NRG3: variants seen among roughly 807,000 people sequenced by gnomAD.
NRG3 encodes pro-neuregulin-3, membrane-bound isoform.
Under a neutral mutation model 66.9 loss-of-function variants are expected in NRG3, and 31 were observed. That is an observed-to-expected ratio of 0.46 (90% CI 0.35 to 0.63). NRG3 has a LOEUF of 0.63. NRG3 is among the 20% of genes least tolerant of loss of function. The probability of loss-of-function intolerance (pLI) is 0.00; values close to 1 mark genes in which losing one functional copy is unlikely to be tolerated. For synonymous variants in NRG3, 393 were observed against 359.4 expected, an observed-to-expected ratio of 1.09 and a Z score of -1.06; for missense variants, 910 against 878.9, an observed-to-expected ratio of 1.04 and a Z score of -0.45.
At chr10:82,769,699 T>A (rs1176648641) in intron 3 of NRG3, among the ~76,000 whole-genome samples, 1 of 152,080 alleles carries the variant, frequency 6.6e-6, no homozygotes. Context: ...GTCTAAAAAT[T>A]ACTAGCACAA....
At chr10:82,259,387 A>T (rs1385692477) in intron 1 of NRG3, among the ~76,000 whole-genome samples, 2 of 152,048 alleles carry the variant, frequency 1.3e-5, no homozygotes, top group African/African-American at 4.8e-5. Flanking sequence ...TGGTTTACTC[A>T]ATCTAGGAAG....
chr10:82,586,543 G>A (rs536187031), intron 2 of NRG3, among the ~76,000 whole-genome samples: 117 of 152,228 alleles, frequency 7.7e-4, no homozygotes, highest in Non-Finnish European at 1.4e-3. Context: ...CTTCTCTGTG[G>A]TTTAATTTCC....
chr10:81,915,774 C>A (rs1432027894), intron 1 of NRG3, among the ~76,000 whole-genome samples: 1 of 151,996 alleles, frequency 6.6e-6, no homozygotes, highest in Non-Finnish European at 1.5e-5. Flanking sequence ...CTTCTACCTG[C>A]TGAGGAGACA....
chr10:82,365,762 A>T (rs2084480642), intron 2 of NRG3, among the ~76,000 whole-genome samples: 1 of 152,172 alleles, frequency 6.6e-6, no homozygotes, highest in Admixed American at 6.5e-5. Flanking sequence ...TTAGCCAAAG[A>T]TTACTTTATT....
At chr10:81,913,161 TC>T (rs1354559686) in intron 1 of NRG3, among the ~76,000 whole-genome samples, 1 of 139,912 alleles carries the variant, frequency 7.1e-6, no homozygotes, top group Non-Finnish European at 1.5e-5. Context: ...TTGAATTTAT[TC>T]AACACTCATT....
At chr10:82,827,971 G>T (rs2135639738) in intron 3 of NRG3, among the ~76,000 whole-genome samples, 1 of 152,180 alleles carries the variant, frequency 6.6e-6, no homozygotes, top group Non-Finnish European at 1.5e-5. Flanking sequence ...GTTTTTAAAA[G>T]AGTGTTTTAG....
intron 2 of NRG3, among the ~76,000 whole-genome samples, chr10:82,693,160 C>T (rs1461578557): frequency 6.6e-6 from 1 of 152,180 alleles, no homozygotes; most frequent in Non-Finnish European, 1.5e-5. Context: ...TTTCCCCAAT[C>T]CTATCCCTTA....
At chr10:81,923,994 A>G (rs1465236804) in intron 1 of NRG3, among the ~76,000 whole-genome samples, 1 of 152,110 alleles carries the variant, frequency 6.6e-6, no homozygotes, top group African/African-American at 2.4e-5. Flanking sequence ...GTGCTCGTTA[A>G]ATGTTTGTAG....
chr10:82,106,222 A>G (rs997019271), intron 1 of NRG3, among the ~76,000 whole-genome samples: 3 of 152,200 alleles, frequency 2.0e-5, no homozygotes, highest in African/African-American at 7.2e-5. Flanking sequence ...TCAGAGACTC[A>G]GTACTGAACA....
intron 3 of NRG3, among the ~76,000 whole-genome samples, chr10:82,791,388 A>T (rs966557245): frequency 6.6e-6 from 1 of 151,794 alleles, no homozygotes; most frequent in Admixed American, 6.6e-5. Context: ...AGCCACTGAC[A>T]TCTCTTTTCC....
At chr10:82,265,396 C>T (rs981299200) in intron 1 of NRG3, among the ~76,000 whole-genome samples, 2 of 151,928 alleles carry the variant, frequency 1.3e-5, no homozygotes, top group Admixed American at 6.6e-5. Context: ...AATGAGAGCA[C>T]GAGGAAGGTT....
intron 2 of NRG3, among the ~76,000 whole-genome samples, chr10:82,622,782 A>G (rs2133628710): frequency 6.6e-6 from 1 of 152,306 alleles, no homozygotes; most frequent in East Asian, 1.9e-4. Context: ...TCATGTCTAT[A>G]AAACATCCAT....
At chr10:82,503,450 T>C (rs1484920693) in intron 2 of NRG3, among the ~76,000 whole-genome samples, 1 of 152,174 alleles carries the variant, frequency 6.6e-6, no homozygotes, top group Admixed American at 6.5e-5. Context: ...CTCCACTTGG[T>C]AAGGCATGTA....
At chr10:82,228,237 G>C (rs1456774672) in intron 1 of NRG3, among the ~76,000 whole-genome samples, 1 of 152,182 alleles carries the variant, frequency 6.6e-6, no homozygotes. Flanking sequence ...AAGATAGTAT[G>C]AGTATATATA....
intron 2 of NRG3, among the ~76,000 whole-genome samples, chr10:82,721,307 A>G (rs1395424348): frequency 7.6e-6 from 1 of 130,888 alleles, no homozygotes; most frequent in Non-Finnish European, 1.7e-5. Flanking sequence ...AATTTTTTGT[A>G]TTTTTTTTTT....
intron 4 of NRG3, among the ~76,000 whole-genome samples, chr10:82,898,621 G>A (rs377742523): frequency 5.0e-4 from 76 of 152,188 alleles, no homozygotes; most frequent in African/African-American, 1.8e-3. Context: ...GAAGGGAAAG[G>A]GAGCAGGTTC....
At chr10:82,984,717 T>C in intron 8 of NRG3, 2 of 1,497,962 alleles carry the variant, frequency 1.3e-6, no homozygotes, top group Middle Eastern at 1.7e-4. Context: ...CCATTATGGG[T>C]GTCCTGTTTG....
At chr10:81,884,696 G>A (rs1406780113) in intron 1 of NRG3, among the ~76,000 whole-genome samples, 1 of 152,106 alleles carries the variant, frequency 6.6e-6, no homozygotes, top group Non-Finnish European at 1.5e-5. Context: ...GCCATTTTAT[G>A]TAAAAGACAT....
chr10:82,355,778 G>T (rs1010523803), intron 1 of NRG3, among the ~76,000 whole-genome samples: 1 of 152,104 alleles, frequency 6.6e-6, no homozygotes, highest in African/African-American at 2.4e-5. Context: ...GTGATTTCAG[G>T]TGGGTAATAC....
Sources: allele counts gnomAD v4.1 joint callset (sites outside exome capture counted in the v4.1 genomes callset), GRCh38; gene constraint gnomAD v4.1.1; transcripts MANE v1.5; gene names NCBI Gene and HGNC (gene_info 2026-07-23, HGNC 2026-07-21).